The following ATP11B variants were observed in gnomAD, a reference collection of about 807,000 sequenced individuals.
ATP11B encodes ATPase phospholipid transporting 11B (putative), also known as phospholipid-transporting ATPase IF.
In ATP11B, 81 loss-of-function variants were observed where a neutral mutation model predicts 157.8. The ratio of observed to expected loss-of-function variants is 0.51; its 90% CI spans 0.43 to 0.62. The LOEUF (loss-of-function observed/expected upper bound fraction) is 0.62. ATP11B is among the 20% of genes least tolerant of loss of function. The probability of loss-of-function intolerance (pLI) is 0.00; values close to 1 mark genes in which losing one functional copy is unlikely to be tolerated. For missense variants in ATP11B, 1,165 were observed against 1,402.2 expected (o/e 0.83, Z 2.70); for synonymous variants, 451 against 469.4 (o/e 0.96, Z 0.51).
intron 11 of ATP11B, among the ~76,000 whole-genome samples, 200 bp downstream of exon 11, chr3:182,858,228 G>A (rs1720574433): frequency 6.6e-6 from 1 of 152,204 alleles, no homozygotes; most frequent in Non-Finnish European, 1.5e-5. Context: ...GGCATAAAAA[G>A]TTGTATTCCC....
At chr3:182,825,993 A>G (rs930762123) in intron 2 of ATP11B, among the ~76,000 whole-genome samples, 6 of 152,358 alleles carry the variant, frequency 3.9e-5, no homozygotes, top group African/African-American at 1.4e-4. Flanking sequence ...TTATAAAGTC[A>G]TATATGACTA....
At chr3:182,904,258 C>T (rs1470091474) in intron 28 of ATP11B, among the ~76,000 whole-genome samples, 1 of 152,160 alleles carries the variant, frequency 6.6e-6, no homozygotes, top group African/African-American at 2.4e-5. Context: ...ATATTGTGGT[C>T]TGTTTATTTA....
chr3:182,837,582 C>G (rs1718653376), intron 7 of ATP11B, among the ~76,000 whole-genome samples: 1 of 151,934 alleles, frequency 6.6e-6, no homozygotes, highest in African/African-American at 2.4e-5. Flanking sequence ...TTAGAGGATA[C>G]TACTTTTAAA....
chr3:182,886,007 G>T lies in ATP11B; in HGVS notation c.2712G>T (p.Gln904His). Reference sequence around the variant, plus strand: ...ATCAGTTCTACTGTTTGTTTTCTCAGCAAGTAAGTAAATAGAAACTTGTGT... The same window carrying T: ...ATCAGTTCTACTGTTTGTTTTCTCATCAAGTAAGTAAATAGAAACTTGTGT... ...FLYQFYCLFS[Q>H]QTLYDSVYLT... Residue 904 changes from glutamine (Q) to histidine (H), a missense_variant, in exon 23 of 30, where the codon CAG (glutamine) becomes CAT (histidine). Gln to His is a conservative substitution (Grantham distance 24, BLOSUM62 0). This residue lies in a region of ATP11B where 737 missense variants were observed against 930.5 expected (regional missense o/e 0.79). Transcript: ENST00000323116. 6.7e-7 allele frequency: 1 copy of T among 1,481,582 alleles called. No homozygotes were observed. The highest frequency in any genetic ancestry group is 8.9e-7 in the Non-Finnish European group (1 of 1,123,808). The allele number at this position is 1,481,582 out of a possible 1,614,324, so 91.8% of individuals were successfully genotyped here.
Position 182,857,942 on chromosome 3 carries a change from A to C in ATP11B, c.916A>C (p.Ile306Leu). The C allele has an allele frequency of 6.2e-7, 1 of 1,600,826 alleles. No individual in the cohort carries two copies. Among genetic ancestry groups the C allele is most frequent in the Non-Finnish European group, 8.6e-7 (1 of 1,168,082 alleles). The change falls in exon 11 of 30, where the codon ATC (isoleucine) becomes CTC (leucine). Residue 306 changes from isoleucine (I) to leucine (L), a missense_variant. By Grantham distance (5) the Ile-to-Leu change is conservative (BLOSUM62 2). Around this residue, in one of 4 missense-constraint regions of ATP11B, gnomAD observed 737 missense variants for 930.5 expected, o/e 0.79. Coordinates refer to ENST00000323116, the MANE Select transcript of ATP11B (RefSeq NM_014616.3). ...TATATCTGAAGCTGTCATCAGCACT[A>C]TCTTGAAGTATACATGGCAAGCTGA... The part of the protein sequence containing the change: ...ILISEAVIST[I>L]LKYTWQAEEK...
intron 1 of ATP11B, among the ~76,000 whole-genome samples, chr3:182,803,745 A>T (rs1444055991): frequency 4.6e-5 from 7 of 152,178 alleles, no homozygotes; most frequent in African/African-American, 1.7e-4. Flanking sequence ...TGAATGAGGC[A>T]TCCTTCCTCC....
intron 26 of ATP11B, among the ~76,000 whole-genome samples, chr3:182,897,069 T>A (rs1723600988): frequency 6.6e-6 from 1 of 152,124 alleles, no homozygotes; most frequent in Non-Finnish European, 1.5e-5. Context: ...AATAGAGTAA[T>A]CACATGAAAT....
intron 1 of ATP11B, among the ~76,000 whole-genome samples, chr3:182,813,919 G>A (rs1716820318): frequency 6.6e-6 from 1 of 152,058 alleles, no homozygotes. Context: ...TAGAGACAGA[G>A]TTTTCCCATG....
chr3:182,798,535 C>T lies in ATP11B; in HGVS notation c.27+4749C>T, dbSNP rs1023941885. Among the ~76,000 whole-genome samples, 6 of 152,264 alleles carry T rather than the reference C, an allele frequency of 3.9e-5. No homozygotes were observed. The East Asian group carries it at 5.8e-4, about 15-fold the overall frequency. On this transcript the variant is annotated intron_variant, in intron 1 of 29. Coordinates refer to ENST00000323116, the MANE Select transcript of ATP11B (RefSeq NM_014616.3). ...ATTTTCAGACATATATTCTTAGATA[C>T]GCAGTTTTGCATTTGGTTAGGAAGA...
intron 9 of ATP11B, among the ~76,000 whole-genome samples, chr3:182,846,499 T>G (rs1210994594): frequency 6.6e-6 from 1 of 152,102 alleles, no homozygotes; most frequent in African/African-American, 2.4e-5. Context: ...TGAAAATGAG[T>G]GTTCAAACGA....
At chr3:182,888,904 G>A (rs1032153772) in intron 24 of ATP11B, among the ~76,000 whole-genome samples, 15 of 140,878 alleles carry the variant, frequency 1.1e-4, no homozygotes, top group East Asian at 8.3e-4. Flanking sequence ...TCAGTCTGTC[G>A]TTAGGCTGAG....
intron 1 of ATP11B, among the ~76,000 whole-genome samples, chr3:182,794,222 G>A (rs1715449715): frequency 6.6e-6 from 1 of 152,194 alleles, no homozygotes; most frequent in African/African-American, 2.4e-5. Context: ...GGGTGAAGGG[G>A]AAGCGAAGAA....
intron 1 of ATP11B, among the ~76,000 whole-genome samples, chr3:182,811,106 T>C (rs1716638095): frequency 6.6e-6 from 1 of 152,218 alleles, no homozygotes. Flanking sequence ...GATGCTGAAG[T>C]CATTGTGAAT....
chr3:182,807,439 G>A (rs1390715819), intron 1 of ATP11B, among the ~76,000 whole-genome samples: 1 of 152,178 alleles, frequency 6.6e-6, no homozygotes, highest in Non-Finnish European at 1.5e-5. Flanking sequence ...ATCTTAATGT[G>A]TATCTCCTCT....
At chr3:182,861,076 T>C (rs1346470946) in intron 12 of ATP11B, among the ~76,000 whole-genome samples, 1 of 151,474 alleles carries the variant, frequency 6.6e-6, no homozygotes, top group Non-Finnish European at 1.5e-5. Flanking sequence ...TTTTTTTTTT[T>C]TTTTTTGAGA....
intron 1 of ATP11B, among the ~76,000 whole-genome samples, chr3:182,812,247 G>A (rs1716715132): frequency 1.3e-5 from 2 of 152,202 alleles, no homozygotes; most frequent in African/African-American, 4.8e-5. Context: ...GTAGCCAGCT[G>A]TTGCTGATAT....
At chr3:182,917,033 A>G in intron 29 of ATP11B, 1 of 985,342 alleles carries the variant, frequency 1.0e-6, no homozygotes, top group East Asian at 1.1e-4. Context: ...CCCTAACCTA[A>G]GGTAGATACT....
At chr3:182,895,178 ACTC>A (rs1227040040) in intron 25 of ATP11B, among the ~76,000 whole-genome samples, 2 of 150,502 alleles carry the variant, frequency 1.3e-5, no homozygotes, top group Non-Finnish European at 3.0e-5. Flanking sequence ...GGAGAATGGC[ACTC>A]CTCCTGAGAG....
intron 19 of ATP11B, among the ~76,000 whole-genome samples, 181 bp downstream of exon 19, chr3:182,874,196 A>G (rs1352729350): frequency 6.6e-6 from 1 of 152,250 alleles, no homozygotes; most frequent in Non-Finnish European, 1.5e-5. Context: ...TGAAAAGTAT[A>G]TGAAATTCAA....
Sources: gnomAD v4.1 joint callset for allele counts (sites outside exome capture counted in the v4.1 genomes callset) on GRCh38, gnomAD v4.1.1 for gene constraint, gnomAD v4.1.1 regional missense constraint, MANE v1.5 for transcripts, NCBI Gene and HGNC (gene_info 2026-07-23, HGNC 2026-07-21) for gene names.